The following HS3ST4 variants were observed in gnomAD, a reference collection of about 807,000 sequenced individuals.
HS3ST4 encodes heparan sulfate-glucosamine 3-sulfotransferase 4.
Under a neutral mutation model 29.2 loss-of-function variants are expected in HS3ST4, and 17 were observed. The observed-to-expected ratio is 0.58, with a 90% CI of 0.40 to 0.87. The LOEUF (loss-of-function observed/expected upper bound fraction) is 0.87, where lower values mean the gene tolerates loss of function less well. Among genes scored for constraint, HS3ST4 ranks in the 40% least tolerant of loss-of-function variants. The pLI, the probability that HS3ST4 is intolerant of heterozygous loss-of-function variation, is 0.00. For synonymous variants in HS3ST4, 314 were observed against 285.7 expected, an observed-to-expected ratio of 1.10 and a Z score of -1.00; for missense variants, 627 against 634.5, an observed-to-expected ratio of 0.99 and a Z score of 0.13.
At chr16:25,967,020 G>A (rs1294442380) in intron 1 of HS3ST4, among the ~76,000 whole-genome samples, 5 of 152,190 alleles carry the variant, frequency 3.3e-5, no homozygotes, top group Non-Finnish European at 7.3e-5. Context: ...GCCCCAGCCT[G>A]GACCTACAGA....
chr16:26,033,583 T>C (rs559943831), intron 1 of HS3ST4, among the ~76,000 whole-genome samples: 1 of 150,194 alleles, frequency 6.7e-6, no homozygotes, highest in South Asian at 2.1e-4. Context: ...ATTAGCTGGG[T>C]GTGATGGTGC....
intron 1 of HS3ST4, among the ~76,000 whole-genome samples, chr16:25,925,844 G>A (rs555923294): frequency 2.8e-4 from 42 of 152,200 alleles, no homozygotes; most frequent in Admixed American, 8.5e-4. Context: ...TTGACACTAG[G>A]TGGAATGCCT....
intron 1 of HS3ST4, among the ~76,000 whole-genome samples, chr16:25,788,279 G>T (rs1387984553): frequency 1.3e-5 from 2 of 151,942 alleles, no homozygotes; most frequent in African/African-American, 4.8e-5. Context: ...GCTGTGTGTG[G>T]TGATGGGTGT....
chr16:26,043,825 C>T (rs1411552664), intron 1 of HS3ST4, among the ~76,000 whole-genome samples: 3 of 152,170 alleles, frequency 2.0e-5, no homozygotes, highest in Non-Finnish European at 2.9e-5. Flanking sequence ...AATTGGTCCC[C>T]AAATTGTGCC....
At chr16:25,964,490 C>G (rs988555359) in intron 1 of HS3ST4, among the ~76,000 whole-genome samples, 1 of 152,120 alleles carries the variant, frequency 6.6e-6, no homozygotes, top group African/African-American at 2.4e-5. Context: ...GTGTTTCAAC[C>G]TATATAATGC....
intron 1 of HS3ST4, among the ~76,000 whole-genome samples, chr16:26,103,390 A>G (rs1217357933): frequency 6.6e-6 from 1 of 152,128 alleles, no homozygotes; most frequent in Non-Finnish European, 1.5e-5. Flanking sequence ...ATGGAATTAC[A>G]ATTCTTCTCT....
intron 1 of HS3ST4, among the ~76,000 whole-genome samples, chr16:25,725,410 A>G (rs1966527620): frequency 6.6e-6 from 1 of 152,188 alleles, no homozygotes; most frequent in African/African-American, 2.4e-5. Context: ...TACCAAAAGT[A>G]CATAGAGAAA....
intron 1 of HS3ST4, among the ~76,000 whole-genome samples, chr16:25,986,372 A>T (rs1019464174): frequency 6.6e-6 from 1 of 152,054 alleles, no homozygotes; most frequent in African/African-American, 2.4e-5. Flanking sequence ...TGTTACCCCC[A>T]CTTTATAGGT....
intron 1 of HS3ST4, among the ~76,000 whole-genome samples, chr16:25,817,063 A>G (rs746100896): frequency 2.0e-5 from 3 of 152,228 alleles, no homozygotes; most frequent in African/African-American, 7.2e-5. Flanking sequence ...AATTCAAACC[A>G]TAGCAAGCTG....
chr16:26,030,398 C>T (rs1307094505), intron 1 of HS3ST4, among the ~76,000 whole-genome samples: 1 of 152,032 alleles, frequency 6.6e-6, no homozygotes, highest in African/African-American at 2.4e-5. Flanking sequence ...GGGTGAGACG[C>T]CGTCTCTAAA....
At chr16:26,058,320 A>G (rs986101115) in intron 1 of HS3ST4, among the ~76,000 whole-genome samples, 2 of 152,216 alleles carry the variant, frequency 1.3e-5, no homozygotes, top group Non-Finnish European at 2.9e-5. Context: ...CAAAAGAAGA[A>G]AAAGAAATCA....
At chr16:25,814,602 C>G (rs570039511) in intron 1 of HS3ST4, among the ~76,000 whole-genome samples, 1 of 152,292 alleles carries the variant, frequency 6.6e-6, no homozygotes, top group Non-Finnish European at 1.5e-5. Context: ...GCCTTGCCTC[C>G]CAAAGCGCTG....
chr16:26,136,292 T>C lies in HS3ST4; in HGVS notation c.*44T>C, dbSNP rs754768900. On this transcript the variant is annotated 3_prime_UTR_variant, in exon 2 of 2. Transcript: ENST00000331351. ...AGGCTAGTCAATAAGCTAAGGAGGC[T>C]CCTTGCCTGAGTCCTTGAATACCCC... 9 of 1,544,326 alleles carry C rather than the reference T, an allele frequency of 5.8e-6. No individual in the cohort carries two copies. The highest frequency in any genetic ancestry group is 2.7e-5 in the African/African-American group (2 of 73,154).
intron 1 of HS3ST4, among the ~76,000 whole-genome samples, chr16:25,964,970 T>C (rs924589280): frequency 4.6e-5 from 7 of 152,276 alleles, no homozygotes; most frequent in African/African-American, 1.7e-4. Context: ...AAATACCTCC[T>C]ATATGCCAGG....
intron 1 of HS3ST4, among the ~76,000 whole-genome samples, chr16:26,079,546 A>C (rs894314883): frequency 6.6e-6 from 1 of 152,234 alleles, no homozygotes; most frequent in African/African-American, 2.4e-5. Flanking sequence ...ATGCCATTTA[A>C]ACATCACAAT....
At chr16:25,693,249 C>T (rs1966270547) in intron 1 of HS3ST4, 98 bp downstream of exon 1, 2 of 1,314,686 alleles carry the variant, frequency 1.5e-6, no homozygotes, top group Non-Finnish European at 2.0e-6. Context: ...AGGCACCGTC[C>T]CGAGAGGCCC....
chr16:25,984,797 G>C (rs113806214), intron 1 of HS3ST4, among the ~76,000 whole-genome samples: 349 of 152,140 alleles, frequency 2.3e-3, no homozygotes, highest in African/African-American at 8.1e-3. Context: ...ACATTTTCTT[G>C]ACCCATTCAT....
chr16:25,831,191 G>A (rs1003900621), intron 1 of HS3ST4, among the ~76,000 whole-genome samples: 3 of 152,048 alleles, frequency 2.0e-5, no homozygotes, highest in Admixed American at 6.6e-5. Context: ...CATCAAGGGT[G>A]CTCTCTCCAC....
At chr16:26,000,001 T>G (rs1421042610) in intron 1 of HS3ST4, among the ~76,000 whole-genome samples, 2 of 150,256 alleles carry the variant, frequency 1.3e-5, no homozygotes, top group Non-Finnish European at 3.0e-5. Context: ...TGTTTATCTA[T>G]TCTGTAGATA....
Sources: allele counts gnomAD v4.1 joint callset (sites outside exome capture counted in the v4.1 genomes callset), GRCh38; gene constraint gnomAD v4.1.1; transcripts MANE v1.5; gene names NCBI Gene and HGNC (gene_info 2026-07-23, HGNC 2026-07-21).